Variants in TBC1D9 observed in about 807,000 individuals in gnomAD.
The protein encoded by TBC1D9 is TBC1 domain family member 9.
A neutral mutation model predicts 132.0 loss-of-function variants in TBC1D9; 63 were observed. The observed-to-expected ratio is 0.48, with a 90% CI of 0.39 to 0.59. The LOEUF (loss-of-function observed/expected upper bound fraction) is 0.59, where lower values mean the gene tolerates loss of function less well. Among genes scored for constraint, TBC1D9 ranks in the 20% least tolerant of loss-of-function variants. The probability of loss-of-function intolerance (pLI) is 0.00; values close to 1 mark genes in which losing one functional copy is unlikely to be tolerated. For missense variants in TBC1D9, 1,261 were observed against 1,592.7 expected, an observed-to-expected ratio of 0.79 and a Z score of 3.54; for synonymous variants, 610 against 609.9, an observed-to-expected ratio of 1.00 and a Z score of 0.00.
At chr4:140,662,203 C>T in intron 9 of TBC1D9, 96 bp from the exon 10 acceptor site, 2 of 998,452 alleles carry the variant, frequency 2.0e-6, no homozygotes, top group Non-Finnish European at 3.2e-6. Flanking sequence ...TACTTTCCTA[C>T]CTCTCAAAGG....
chr4:140,697,211 T>C (rs1255470814), intron 2 of TBC1D9, among the ~76,000 whole-genome samples: 2 of 151,918 alleles, frequency 1.3e-5, no homozygotes, highest in African/African-American at 4.8e-5. Flanking sequence ...ACCCTGTCTC[T>C]ACAAAAAAAT....
chr4:140,642,258 G>C (rs1280529148), intron 13 of TBC1D9: 6 of 711,478 alleles, frequency 8.4e-6, no homozygotes, highest in African/African-American at 1.8e-5. Flanking sequence ...TGTATTGTAA[G>C]AGTAGCTGCT....
At chr4:140,698,679 A>G (rs1738014802) in intron 2 of TBC1D9, among the ~76,000 whole-genome samples, 1 of 147,082 alleles carries the variant, frequency 6.8e-6, no homozygotes, top group African/African-American at 2.5e-5. Flanking sequence ...CAGATGTTGC[A>G]GTGAGCTGAG....
chr4:140,624,192 C>T lies in TBC1D9; in HGVS notation c.3002G>A (p.Arg1001His), dbSNP rs199857278. The T allele has an allele frequency of 1.7e-4, 270 of 1,611,814 alleles. 2 individuals carry two copies. The highest frequency in any genetic ancestry group is 2.2e-4 in the East Asian group (10 of 44,866). Reference protein sequence around the residue: ...KGKRANSQENRNYLRLWTPEN... With the variant: ...KGKRANSQENHNYLRLWTPEN... ...TGGAGTCCACAGTCTCAAATAATTA[C>T]GATTTTCTTGGGAATTTGCTCTCTT... Residue 1001 changes from arginine (R) to histidine (H), a missense_variant, in exon 20 of 21, where the codon CGT (arginine) becomes CAT (histidine). Transcript: ENST00000442267.
At position 140,729,543 on chromosome 4, in the gene TBC1D9, T is replaced by C. The variant is rs866268140; in HGVS notation, c.130+26373A>G. On this transcript the variant is annotated intron_variant, in intron 1 of 20. Transcript: ENST00000442267. Reference sequence around the variant, plus strand: ...AAATAATGACACAACAGGGTTTTTCTCCCTTGCCATATTCCTTTGTAAAAA... The same window carrying C: ...AAATAATGACACAACAGGGTTTTTCCCCCTTGCCATATTCCTTTGTAAAAA... 7.9e-5 allele frequency among the ~76,000 whole-genome samples: 12 copies of C among 152,240 alleles called. No homozygotes were observed. In the South Asian group the frequency reaches 1.4e-3, roughly 18 times the overall value.
At chr4:140,700,112 C>T (rs1211625798) in intron 2 of TBC1D9, among the ~76,000 whole-genome samples, 4 of 151,148 alleles carry the variant, frequency 2.6e-5, no homozygotes, top group African/African-American at 9.7e-5. Context: ...GGCTGGGCAA[C>T]ACAGAGAGAC....
At chr4:140,675,303 TA>T (rs576374940) in intron 6 of TBC1D9, among the ~76,000 whole-genome samples, 26 of 150,538 alleles carry the variant, frequency 1.7e-4, no homozygotes, top group Non-Finnish European at 3.0e-4. Context: ...TATGCCTAAT[TA>T]AAAAAAAAGA....
intron 18 of TBC1D9, among the ~76,000 whole-genome samples, chr4:140,624,794 G>A (rs1386126123): frequency 2.0e-5 from 3 of 152,168 alleles, no homozygotes; most frequent in African/African-American, 7.2e-5. Flanking sequence ...GCTCATGCCT[G>A]TAATCCCAGC....
At chr4:140,713,841 C>T (rs1000333238) in intron 1 of TBC1D9, among the ~76,000 whole-genome samples, 12 of 152,032 alleles carry the variant, frequency 7.9e-5, no homozygotes, top group African/African-American at 2.9e-4. Context: ...GTACAATGTA[C>T]ATGTATTATA....
chr4:140,659,622 G>A lies in TBC1D9; in HGVS notation c.1887C>T (p.Arg629=). 1 of 1,604,474 alleles carries A rather than the reference G, an allele frequency of 6.2e-7. No individual in the cohort carries two copies. The highest frequency in any genetic ancestry group is 8.5e-7 in the Non-Finnish European group (1 of 1,175,526). ...AFWLLVALCE[R]MLPDYYNTRV... ...TGGTGTTGTAGTAATCTGGGAGCAT[G>A]CGCTCACACAAAGCCACAAGCAGCC... Residue 629 remains arginine, a synonymous_variant, in exon 11 of 21, where the codon CGC becomes CGT. Coordinates refer to ENST00000442267, the MANE Select transcript of TBC1D9 (RefSeq NM_015130.3).
intron 13 of TBC1D9, chr4:140,643,859 C>A: frequency 1.4e-6 from 1 of 723,774 alleles, no homozygotes; most frequent in Non-Finnish European, 2.5e-6. Flanking sequence ...CTGCAGGGCT[C>A]GGGGTAGCCA....
Position 140,622,927 on chromosome 4 carries a change from G to T in TBC1D9, c.3079-10C>A. ...GTTCAATGAACTGCCCCTGAAAAGC[G>T]ATTTGGAAAAACACAATGTGAAATC... On this transcript the variant is annotated splice_polypyrimidine_tract_variant and intron_variant, in intron 20 of 20. Coordinates refer to ENST00000442267, the MANE Select transcript of TBC1D9 (RefSeq NM_015130.3). The T allele has an allele frequency of 1.3e-6, 2 of 1,504,614 alleles. No individual in the cohort carries two copies. Among genetic ancestry groups the T allele is most frequent in the Middle Eastern group, 1.7e-4 (1 of 5,758 alleles). 93.2% of individuals were successfully genotyped at this position (1,504,614 alleles called of 1,614,324 possible). A position where few individuals can be genotyped will look rare whatever the true frequency, so the allele number is the denominator to read the frequency against.
intron 1 of TBC1D9, 83 bp from the exon 2 acceptor site, chr4:140,701,697 T>C: frequency 3.9e-6 from 4 of 1,030,766 alleles, no homozygotes; most frequent in Middle Eastern, 2.6e-4. Flanking sequence ...AACATGCCCT[T>C]TCATGAGATC....
chr4:140,628,192 G>T, intron 17 of TBC1D9, 108 bp downstream of exon 17: 1 of 868,898 alleles, frequency 1.2e-6, no homozygotes, highest in South Asian at 1.5e-5. Context: ...AGTGACTCAT[G>T]AATGATGGTG....
At chr4:140,636,890 GT>G (rs1219787732) in intron 15 of TBC1D9, among the ~76,000 whole-genome samples, 1 of 152,186 alleles carries the variant, frequency 6.6e-6, no homozygotes, top group East Asian at 1.9e-4. Flanking sequence ...CGAGTCTCAG[GT>G]TCTTCTGGGT....
At chr4:140,748,472 A>G (rs2111084779) in intron 1 of TBC1D9, among the ~76,000 whole-genome samples, 1 of 152,332 alleles carries the variant, frequency 6.6e-6, no homozygotes, top group South Asian at 2.1e-4. Context: ...AACCAACGAA[A>G]GACATATTAA....
intron 5 of TBC1D9, among the ~76,000 whole-genome samples, chr4:140,678,338 A>G (rs1737655850): frequency 6.6e-6 from 1 of 152,170 alleles, no homozygotes; most frequent in Non-Finnish European, 1.5e-5. Flanking sequence ...TCCCTTGGAC[A>G]TGCTCTTCCT....
At chr4:140,707,342 AC>A (rs1303600418) in intron 1 of TBC1D9, among the ~76,000 whole-genome samples, 1 of 152,160 alleles carries the variant, frequency 6.6e-6, no homozygotes, top group Admixed American at 6.5e-5. Flanking sequence ...CCATTTATAT[AC>A]ATACTGGATT....
rs531747536 is a variant in TBC1D9, at chr4:140,706,085, A to T, written c.131-4471T>A. Reference sequence around the variant, plus strand: ...AACTGCAGCCTAGCTGGGAGCTGGTACAGGTGGCAGGTCCACAGTGCTGCA... The same window carrying T: ...AACTGCAGCCTAGCTGGGAGCTGGTTCAGGTGGCAGGTCCACAGTGCTGCA... On this transcript the variant is annotated intron_variant, in intron 1 of 20. Coordinates refer to ENST00000442267, the MANE Select transcript of TBC1D9 (RefSeq NM_015130.3). The surrounding 1 kb of genome is among the most constrained non-coding windows in gnomAD (Gnocchi z 4.0). Among the ~76,000 whole-genome samples the T allele has an allele frequency of 1.9e-4, 29 of 152,334 alleles. 1 individual carries two copies. The highest frequency in any genetic ancestry group is 1.7e-3 in the Admixed American group (26 of 15,304).
Sources: gnomAD v4.1 joint callset for allele counts (sites outside exome capture counted in the v4.1 genomes callset) on GRCh38, gnomAD v4.1.1 for gene constraint, Gnocchi (gnomAD v3.1) non-coding constraint, MANE v1.5 for transcripts, NCBI Gene and HGNC (gene_info 2026-07-23, HGNC 2026-07-21) for gene names.